FHIT: variants seen among roughly 807,000 people sequenced by gnomAD.
FHIT encodes the protein bis(5'-adenosyl)-triphosphatase.
In FHIT, 19 loss-of-function variants were observed where a neutral mutation model predicts 17.9. The ratio of observed to expected loss-of-function variants is 1.06; its 90% confidence interval spans 0.74 to 1.56. The LOEUF is 1.56. Among genes scored for constraint, FHIT ranks in the 40% most tolerant of loss-of-function variants. The pLI, the probability that FHIT is intolerant of heterozygous loss-of-function variation, is 0.00. For synonymous variants in FHIT, 81 were observed against 69.7 expected (o/e 1.16, Z -0.81); for missense variants, 248 against 189.2 (o/e 1.31, Z -1.82).
intron 5 of FHIT, among the ~76,000 whole-genome samples, chr3:60,487,852 T>C (rs2033905838): frequency 6.6e-6 from 1 of 152,212 alleles, no homozygotes; most frequent in Admixed American, 6.5e-5. Flanking sequence ...TATTCTGTTA[T>C]CTCAAAGATA....
chr3:60,149,614 T>C (rs1483891515), intron 5 of FHIT, among the ~76,000 whole-genome samples: 1 of 152,138 alleles, frequency 6.6e-6, no homozygotes, highest in Non-Finnish European at 1.5e-5. Flanking sequence ...GAACATCTGT[T>C]GCCCCATAGC....
intron 5 of FHIT, among the ~76,000 whole-genome samples, chr3:60,404,231 C>G (rs1431650017): frequency 6.6e-6 from 1 of 152,044 alleles, no homozygotes; most frequent in African/African-American, 2.4e-5. Context: ...TTCAAAATGC[C>G]AAGAACCTGG....
intron 8 of FHIT, among the ~76,000 whole-genome samples, chr3:59,920,505 C>A (rs1705349464): frequency 6.6e-6 from 1 of 152,186 alleles, no homozygotes. Flanking sequence ...ACACCAACCA[C>A]AGCACTGTAC....
intron 3 of FHIT, among the ~76,000 whole-genome samples, chr3:61,013,110 A>G (rs1165088756): frequency 1.3e-5 from 2 of 152,210 alleles, no homozygotes; most frequent in African/African-American, 4.8e-5. Context: ...CTTTAAACTT[A>G]TAACAAATTG....
chr3:59,856,702 TAAGACTCA>T (rs1430140401), intron 8 of FHIT, among the ~76,000 whole-genome samples: 105 of 152,358 alleles, frequency 6.9e-4, no homozygotes, highest in African/African-American at 2.4e-3. Flanking sequence ...CTAATTTCTC[TAAGACTCA>T]GTTTCCTTCT....
intron 5 of FHIT, among the ~76,000 whole-genome samples, chr3:60,438,736 T>A (rs1207743946): frequency 6.6e-6 from 1 of 152,132 alleles, no homozygotes; most frequent in Non-Finnish European, 1.5e-5. Flanking sequence ...AAAATAACAT[T>A]CATGCTGATC....
intron 2 of FHIT, among the ~76,000 whole-genome samples, chr3:61,065,733 C>G (rs1341597602): frequency 6.6e-6 from 1 of 150,380 alleles, no homozygotes; most frequent in East Asian, 1.9e-4. Flanking sequence ...GTGAACCACT[C>G]TTTCACTACC....
intron 4 of FHIT, among the ~76,000 whole-genome samples, chr3:60,793,466 C>T (rs782065048): frequency 6.6e-6 from 1 of 152,102 alleles, no homozygotes; most frequent in South Asian, 2.1e-4. Context: ...CCACGCCCAG[C>T]TAATTTTTCT....
At chr3:61,137,378 T>G (rs1410695333) in intron 2 of FHIT, among the ~76,000 whole-genome samples, 2 of 150,234 alleles carry the variant, frequency 1.3e-5, no homozygotes, top group Non-Finnish European at 3.0e-5. Flanking sequence ...ACAACTCAAA[T>G]ATTTCCCCTC....
intron 3 of FHIT, among the ~76,000 whole-genome samples, chr3:60,845,740 A>G (rs1031868908): frequency 5.9e-5 from 9 of 152,150 alleles, no homozygotes; most frequent in Non-Finnish European, 1.2e-4. Flanking sequence ...ATCATCCCAT[A>G]AATTTTCAAG....
intron 5 of FHIT, among the ~76,000 whole-genome samples, chr3:60,048,616 C>T (rs894630734): frequency 2.0e-5 from 3 of 152,154 alleles, no homozygotes; most frequent in African/African-American, 7.2e-5. Context: ...CAAAACGCAA[C>T]GGTGGGTGAA....
At chr3:59,876,910 C>T (rs190978635) in intron 8 of FHIT, among the ~76,000 whole-genome samples, 76 of 152,306 alleles carry the variant, frequency 5.0e-4, no homozygotes, top group African/African-American at 1.1e-3. Flanking sequence ...GATACAATTC[C>T]GGTCATTCAC....
rs545404657 is a variant in FHIT at position 59,967,942 on chromosome 3, C to G, written c.279+43429G>C. On this transcript the variant is annotated intron_variant, in intron 7 of 9. Transcript: ENST00000492590. The stretch of plus-strand genomic sequence containing the variant: ...GGAAAATGAAGGAATTAAGAAGAAT[C>G]AGGATATCTGCAAGTTATATGACAT... 5.0e-4 allele frequency among the ~76,000 whole-genome samples: 76 copies of G among 152,144 alleles called. 1 individual carries two copies. In the South Asian group the frequency reaches 0.015, roughly 30 times the overall value.
chr3:60,087,051 C>A (rs964075056), intron 5 of FHIT, among the ~76,000 whole-genome samples: 1 of 152,212 alleles, frequency 6.6e-6, no homozygotes, highest in Non-Finnish European at 1.5e-5. Context: ...ACCACCCTTG[C>A]ATTCTGGGTG....
At chr3:61,196,381 T>C (rs890207357) in intron 2 of FHIT, among the ~76,000 whole-genome samples, 1 of 152,168 alleles carries the variant, frequency 6.6e-6, no homozygotes, top group Admixed American at 6.5e-5. Context: ...TATTTCTTTA[T>C]ACACTGAGGC....
intron 7 of FHIT, among the ~76,000 whole-genome samples, chr3:59,985,803 G>A (rs1708871828): frequency 6.6e-6 from 1 of 152,110 alleles, no homozygotes; most frequent in African/African-American, 2.4e-5. Context: ...AGCCTAGGCT[G>A]AACCTTAGAA....
intron 5 of FHIT, among the ~76,000 whole-genome samples, chr3:60,376,833 A>T (rs902737441): frequency 3.9e-5 from 6 of 152,300 alleles, no homozygotes; most frequent in African/African-American, 1.2e-4. Flanking sequence ...TACACGACAT[A>T]GATATTTTTA....
At chr3:60,585,355 A>C (rs577647095) in intron 4 of FHIT, among the ~76,000 whole-genome samples, 2 of 152,156 alleles carry the variant, frequency 1.3e-5, no homozygotes, top group South Asian at 4.1e-4. Flanking sequence ...AGTCAGACAC[A>C]GGTGCATTTT....
At chr3:59,919,304 T>C (rs752678515) in intron 8 of FHIT, among the ~76,000 whole-genome samples, 3 of 152,168 alleles carry the variant, frequency 2.0e-5, no homozygotes, top group Non-Finnish European at 4.4e-5. Context: ...TCTTTAAGTG[T>C]TCATTTTTTT....
Sources: gnomAD v4.1 joint callset for allele counts (sites outside exome capture counted in the v4.1 genomes callset) on GRCh38, gnomAD v4.1.1 for gene constraint, MANE v1.5 for transcripts, NCBI Gene and HGNC (gene_info 2026-07-23, HGNC 2026-07-21) for gene names.